The following LRP1B variants were observed in gnomAD, a reference collection of about 807,000 sequenced individuals.
LRP1B encodes LDL receptor related protein 1B.
In LRP1B, 217 loss-of-function variants were observed where a neutral mutation model predicts 556.6. The observed-to-expected ratio is 0.39, with a 90% CI of 0.35 to 0.44. The LOEUF (loss-of-function observed/expected upper bound fraction) is 0.44, where lower values mean the gene tolerates loss of function less well. Among genes scored for constraint, LRP1B ranks in the 20% least tolerant of loss-of-function variants. LRP1B has a pLI of 1.00. For synonymous variants in LRP1B, 2,047 were observed against 1,865.8 expected, an observed-to-expected ratio of 1.10 and a Z score of -2.50; for missense variants, 5,053 against 5,620.8, an observed-to-expected ratio of 0.90 and a Z score of 3.23.
intron 2 of LRP1B, among the ~76,000 whole-genome samples, chr2:141,572,949 A>G (rs532988793): frequency 6.6e-6 from 1 of 152,190 alleles, no homozygotes; most frequent in South Asian, 2.1e-4. Context: ...CCAGATTCAT[A>G]AAACAAGTTC....
intron 2 of LRP1B, among the ~76,000 whole-genome samples, chr2:141,563,239 G>C (rs914022564): frequency 6.6e-6 from 1 of 152,052 alleles, no homozygotes; most frequent in African/African-American, 2.4e-5. Flanking sequence ...CCGACATCCA[G>C]ATGGAGATGT....
chr2:140,787,517 T>G (rs1689946992), intron 32 of LRP1B, among the ~76,000 whole-genome samples: 1 of 151,556 alleles, frequency 6.6e-6, no homozygotes, highest in Admixed American at 6.6e-5. Flanking sequence ...CTTAAAGGAC[T>G]TTATTTATTT....
chr2:141,212,966 C>T (rs1276403010), intron 6 of LRP1B, among the ~76,000 whole-genome samples: 1 of 152,084 alleles, frequency 6.6e-6, no homozygotes, highest in Admixed American at 6.5e-5. Flanking sequence ...ACCCAAAACA[C>T]TTCTATTCTT....
At chr2:142,111,711 C>T (rs1706994111) in intron 1 of LRP1B, among the ~76,000 whole-genome samples, 1 of 152,030 alleles carries the variant, frequency 6.6e-6, no homozygotes, top group African/African-American at 2.4e-5. Flanking sequence ...AATAGCATTG[C>T]TGTTCTGTTT....
Position 141,480,414 on chromosome 2 carries a change from C to T in LRP1B, c.325G>A (p.Glu109Lys). The T allele has an allele frequency of 1.2e-6, 2 of 1,613,884 alleles. No homozygotes were observed. The highest frequency in any genetic ancestry group is 1.1e-5 in the South Asian group (1 of 91,082). ...GVLDCPDGYDEGVHCQELLSN... is the reference protein window; with the variant it reads ...GVLDCPDGYDKGVHCQELLSN... Reference sequence around the variant, plus strand: ...GACTCACCCTGACAATGTACTCCTTCGTCATACCCATCTGGGCAGTCCAAG... The same window carrying T: ...GACTCACCCTGACAATGTACTCCTTTGTCATACCCATCTGGGCAGTCCAAG... The change falls in exon 3 of 91, where the codon GAA becomes AAA. Residue 109 changes from glutamate to lysine, a missense_variant. By Grantham distance (56) the Glu-to-Lys change is moderately conservative. Around this residue, in one of 5 missense-constraint regions of LRP1B, gnomAD observed 3,619 missense variants for 3,931.9 expected, o/e 0.92. Transcript: ENST00000389484.
chr2:141,294,646 G>T (rs72979299), intron 3 of LRP1B, among the ~76,000 whole-genome samples: 1,663 of 151,792 alleles, frequency 0.011, 32 homozygotes, highest in African/African-American at 0.038. Context: ...AGGCTGAGGT[G>T]GGGGGATGGC....
Position 140,914,586 on chromosome 2 carries a change from T to C in LRP1B, c.3320-6509A>G, listed in dbSNP as rs184872183. Among the ~76,000 whole-genome samples, 50 of 152,196 alleles carry C rather than the reference T, an allele frequency of 3.3e-4. 1 individual carries two copies. Among genetic ancestry groups the C allele is most frequent in the Admixed American group, 3.2e-3 (49 of 15,266 alleles). ...AAACTGGGGACAGAATAGATTGCTA[T>C]GAAGACTTTGCAGAAAGATGAGAAG... On this transcript the variant is annotated intron_variant, in intron 21 of 90. Coordinates refer to ENST00000389484, the MANE Select transcript of LRP1B (RefSeq NM_018557.3).
chr2:141,671,836 T>TTC (rs1553445926), intron 2 of LRP1B, among the ~76,000 whole-genome samples: 1 of 151,632 alleles, frequency 6.6e-6, no homozygotes, highest in South Asian at 2.1e-4. Flanking sequence ...TTTTTTTTTT[T>TTC]CACAAACAAA....
chr2:141,528,229 G>C (rs2105186722), intron 2 of LRP1B, among the ~76,000 whole-genome samples: 1 of 151,766 alleles, frequency 6.6e-6, no homozygotes, highest in Non-Finnish European at 1.5e-5. Flanking sequence ...ACAACCTATG[G>C]GGTTCTCTCA....
intron 35 of LRP1B, among the ~76,000 whole-genome samples, chr2:140,735,957 G>A (rs1687931867): frequency 6.6e-6 from 1 of 152,028 alleles, no homozygotes; most frequent in Admixed American, 6.6e-5. Context: ...TATAAGACTG[G>A]ATAAGCAAAA....
At chr2:140,863,882 A>C (rs78018127) in intron 27 of LRP1B, among the ~76,000 whole-genome samples, 1 of 152,038 alleles carries the variant, frequency 6.6e-6, no homozygotes, top group East Asian at 1.9e-4. Flanking sequence ...CAGGAAGGTA[A>C]GGAAGTTTGT....
chr2:141,603,575 T>G (rs547576646), intron 2 of LRP1B, among the ~76,000 whole-genome samples: 2 of 152,302 alleles, frequency 1.3e-5, no homozygotes, highest in African/African-American at 4.8e-5. Context: ...TTTACAGGAC[T>G]GATATATTTA....
At chr2:141,989,474 T>C (rs1275768972) in intron 1 of LRP1B, among the ~76,000 whole-genome samples, 1 of 152,080 alleles carries the variant, frequency 6.6e-6, no homozygotes, top group Non-Finnish European at 1.5e-5. Flanking sequence ...AATATTACAT[T>C]TTTATATATA....
At chr2:140,348,215 T>G (rs1416301049) in intron 77 of LRP1B, among the ~76,000 whole-genome samples, 4 of 152,078 alleles carry the variant, frequency 2.6e-5, no homozygotes, top group African/African-American at 9.7e-5. Context: ...TGCTCTACAA[T>G]TCACATTACT....
At chr2:141,745,072 G>A (rs1693862911) in intron 2 of LRP1B, among the ~76,000 whole-genome samples, 1 of 152,074 alleles carries the variant, frequency 6.6e-6, no homozygotes, top group Admixed American at 6.5e-5. Context: ...AAGCTGCCTG[G>A]AGCCAGGGAT....
At chr2:140,539,625 C>T (rs938670927) in intron 45 of LRP1B, among the ~76,000 whole-genome samples, 1 of 152,098 alleles carries the variant, frequency 6.6e-6, no homozygotes, top group African/African-American at 2.4e-5. Flanking sequence ...AAAGGCATTG[C>T]TTCACTACTA....
At position 140,300,182 on chromosome 2, in the gene LRP1B, T is replaced by C. The variant is rs371460681; in HGVS notation, c.12806-2213A>G. Among the ~76,000 whole-genome samples the C allele has an allele frequency of 7.2e-4, 109 of 152,310 alleles. 1 individual carries two copies. In the South Asian group the frequency reaches 0.022, roughly 30 times the overall value. On this transcript the variant is annotated intron_variant, in intron 83 of 90. Coordinates refer to ENST00000389484, the MANE Select transcript of LRP1B (RefSeq NM_018557.3). ...CATTCAGAGTGCAGCTGAATTATTT[T>C]AAAAGTTCTTATTTCTCTTTCTTTG...
chr2:141,145,535 C>CTTT (rs71723433), intron 7 of LRP1B, among the ~76,000 whole-genome samples: 1 of 144,124 alleles, frequency 6.9e-6, no homozygotes. Context: ...TTTAATTAAA[C>CTTT]TTTTTTTTTT....
At chr2:141,741,111 TG>T (rs1320242472) in intron 2 of LRP1B, among the ~76,000 whole-genome samples, 1 of 152,150 alleles carries the variant, frequency 6.6e-6, no homozygotes, top group Non-Finnish European at 1.5e-5. Context: ...TCTCTCTTTA[TG>T]GCTGAATAGT....
Sources: gnomAD v4.1 joint callset for allele counts (sites outside exome capture counted in the v4.1 genomes callset) on GRCh38, gnomAD v4.1.1 for gene constraint, gnomAD v4.1.1 regional missense constraint, MANE v1.5 for transcripts, NCBI Gene and HGNC (gene_info 2026-07-23, HGNC 2026-07-21) for gene names.